The following KAZN variants were observed in gnomAD, a reference collection of about 807,000 sequenced individuals.
KAZN encodes the protein kazrin.
A neutral mutation model predicts 87.4 loss-of-function variants in KAZN; 40 were observed. The observed-to-expected ratio is 0.46, with a 90% confidence interval of 0.36 to 0.60. The LOEUF (loss-of-function observed/expected upper bound fraction) is 0.60. KAZN is among the 20% of genes least tolerant of loss of function. The pLI, the probability that KAZN is intolerant of heterozygous loss-of-function variation, is 0.00. For synonymous variants in KAZN, 466 were observed against 458.3 expected (o/e 1.02, Z -0.22); for missense variants, 898 against 1,073.9 (o/e 0.84, Z 2.29).
At chr1:14,290,943 C>A (rs1213928999) in intron 2 of KAZN, among the ~76,000 whole-genome samples, 1 of 152,052 alleles carries the variant, frequency 6.6e-6, no homozygotes, top group Non-Finnish European at 1.5e-5. Context: ...GGTCCCTCAG[C>A]TGCAGGTCTG....
rs186846572 is a variant in KAZN at position 14,890,599 on chromosome 1, G to A, written c.227-70085G>A. On this transcript the variant is annotated intron_variant, in intron 1 of 14. Coordinates refer to ENST00000376030, the MANE Select transcript of KAZN (RefSeq NM_201628.3). ...TAGATCAGGATTCTGAATGACGGGCGTGAATCAGAGTCCTCTTGTGGGCTT... is the reference window on the plus strand; with the variant it reads ...TAGATCAGGATTCTGAATGACGGGCATGAATCAGAGTCCTCTTGTGGGCTT... Among the ~76,000 whole-genome samples, 18 of 152,242 alleles carry A rather than the reference G, an allele frequency of 1.2e-4. No homozygotes were observed. The East Asian group carries it at 2.9e-3, about 25-fold the overall frequency.
At chr1:14,645,783 G>A (rs750631922) in intron 1 of KAZN, among the ~76,000 whole-genome samples, 11 of 152,164 alleles carry the variant, frequency 7.2e-5, no homozygotes, top group Non-Finnish European at 1.5e-4. Flanking sequence ...CCAATACTAC[G>A]TTGAGTAGGA....
intron 2 of KAZN, among the ~76,000 whole-genome samples, chr1:14,381,591 A>G (rs1425071424): frequency 6.6e-6 from 1 of 152,226 alleles, no homozygotes; most frequent in African/African-American, 2.4e-5. Flanking sequence ...GATCATTTCA[A>G]TTGATGCTGA....
intron 1 of KAZN, among the ~76,000 whole-genome samples, chr1:14,125,767 T>C (rs546721610): frequency 2.0e-5 from 3 of 152,062 alleles, no homozygotes; most frequent in East Asian, 3.9e-4. Context: ...AAAGCATCCA[T>C]GGAAGAAACA....
chr1:14,323,534 C>T (rs1159164221), intron 2 of KAZN, among the ~76,000 whole-genome samples: 4 of 152,142 alleles, frequency 2.6e-5, no homozygotes, highest in African/African-American at 9.7e-5. Flanking sequence ...AGAACTAGAA[C>T]ATTCCAGCCC....
At chr1:14,571,381 A>G in intron 2 of KAZN, among the ~76,000 whole-genome samples, 1 of 152,180 alleles carries the variant, frequency 6.6e-6, no homozygotes, top group East Asian at 1.9e-4. Flanking sequence ...TTTTTCATAT[A>G]TTGAATCTCT....
chr1:14,394,930 G>C (rs12025274), intron 2 of KAZN, among the ~76,000 whole-genome samples: 22,983 of 152,202 alleles, frequency 0.15, 1,868 homozygotes, highest in East Asian at 0.23. Context: ...AGGAGCTTCT[G>C]TTCAGTCCAG....
At chr1:14,042,959 T>G (rs1570597960) in intron 1 of KAZN, among the ~76,000 whole-genome samples, 1 of 152,332 alleles carries the variant, frequency 6.6e-6, no homozygotes, top group East Asian at 1.9e-4. Context: ...TTTACCATTT[T>G]AACCATTTTT....
intron 1 of KAZN, among the ~76,000 whole-genome samples, chr1:14,797,188 G>T (rs1343918575): frequency 1.3e-5 from 2 of 152,084 alleles, no homozygotes; most frequent in African/African-American, 4.8e-5. Context: ...AGCCTCCCAA[G>T]TAGCTGGGCT....
At chr1:14,866,207 C>T (rs971585964) in intron 1 of KAZN, among the ~76,000 whole-genome samples, 1 of 152,174 alleles carries the variant, frequency 6.6e-6, no homozygotes, top group Non-Finnish European at 1.5e-5. Context: ...TCTCCTGTCC[C>T]ATCCCCACAT....
chr1:14,549,335 A>C (rs1673359256), intron 2 of KAZN, among the ~76,000 whole-genome samples: 1 of 152,178 alleles, frequency 6.6e-6, no homozygotes, highest in Non-Finnish European at 1.5e-5. Flanking sequence ...GTCTCCCTGC[A>C]GCTGGGAGAG....
chr1:14,916,927 T>A (rs1453775786), intron 1 of KAZN, among the ~76,000 whole-genome samples: 5 of 146,046 alleles, frequency 3.4e-5, no homozygotes, highest in African/African-American at 7.7e-5. Flanking sequence ...AAAAAAAAAA[T>A]TTAACTTGGG....
intron 2 of KAZN, among the ~76,000 whole-genome samples, chr1:14,388,210 T>C (rs953343295): frequency 6.6e-6 from 1 of 152,182 alleles, no homozygotes; most frequent in African/African-American, 2.4e-5. Context: ...CTGCGCCCAC[T>C]GTCTGGCACT....
At chr1:14,935,888 G>A (rs1206050766) in intron 1 of KAZN, among the ~76,000 whole-genome samples, 1 of 152,118 alleles carries the variant, frequency 6.6e-6, no homozygotes, top group Non-Finnish European at 1.5e-5. Context: ...GCAGCCTATA[G>A]CACCCCCGCC....
chr1:14,265,733 T>A (rs1405186987), intron 2 of KAZN, among the ~76,000 whole-genome samples: 1 of 152,188 alleles, frequency 6.6e-6, no homozygotes, highest in Non-Finnish European at 1.5e-5. Flanking sequence ...ATTAAGTAAT[T>A]CATCAAAGAT....
intron 1 of KAZN, chr1:14,930,061 C>T (rs369836982): frequency 4.8e-5 from 47 of 985,414 alleles, no homozygotes; most frequent in Middle Eastern, 1.0e-3. Flanking sequence ...GAGTGCTGGC[C>T]GCTGTCCCAG....
chr1:14,995,632 A>T (rs1429066625), intron 2 of KAZN, among the ~76,000 whole-genome samples: 3 of 151,904 alleles, frequency 2.0e-5, no homozygotes, highest in African/African-American at 4.8e-5. Context: ...TCAAATAAAA[A>T]AAAAAAAAAA....
At chr1:14,792,837 G>A (rs1390464204) in intron 1 of KAZN, among the ~76,000 whole-genome samples, 4 of 152,176 alleles carry the variant, frequency 2.6e-5, no homozygotes, top group Admixed American at 6.5e-5. Context: ...TTAGCTGGGC[G>A]TGGTGGCATG....
intron 1 of KAZN, among the ~76,000 whole-genome samples, chr1:13,947,717 C>T (rs1046129560): frequency 5.9e-5 from 9 of 152,148 alleles, no homozygotes; most frequent in South Asian, 2.1e-4. Flanking sequence ...AAGGTGTCAG[C>T]GGTGTTAGTC....
Sources: allele counts gnomAD v4.1 joint callset (sites outside exome capture counted in the v4.1 genomes callset), GRCh38; gene constraint gnomAD v4.1.1; transcripts MANE v1.5; gene names NCBI Gene and HGNC (gene_info 2026-07-23, HGNC 2026-07-21).